IGSF21: variants seen among roughly 807,000 people sequenced by gnomAD.
IGSF21 encodes the protein immunoglobulin superfamily member 21.
In IGSF21, 28 loss-of-function variants were observed where a neutral mutation model predicts 46.8. That is an observed-to-expected ratio of 0.60 (90% CI 0.44 to 0.82). IGSF21 has a LOEUF of 0.82. Ranked by LOEUF, IGSF21 falls within the 40% of genes least tolerant of loss-of-function variation. IGSF21 has a pLI of 0.00. For missense variants in IGSF21, 624 were observed against 665.5 expected, an observed-to-expected ratio of 0.94 and a Z score of 0.69; for synonymous variants, 284 against 273.6, an observed-to-expected ratio of 1.04 and a Z score of -0.38.
chr1:18,365,693 G>T lies in IGSF21; in HGVS notation c.1011G>T (p.Thr337=), dbSNP rs146952781. The change falls in exon 6 of 10, where the codon ACG becomes ACT. Residue 337 remains threonine (T), a synonymous_variant. Coordinates refer to ENST00000251296, the MANE Select transcript of IGSF21 (RefSeq NM_032880.5). This position sits in a 1 kb window ranked among gnomAD's most constrained non-coding sequence, Gnocchi z 4.8. ...ALSMPMQAEV[T]LVAPKGPKIV... ...CGATGCCCATGCAGGCAGAGGTCAC[G>T]CTGGGTAAGACTTGGTGGGGGCCCT... 4 of 1,610,226 alleles carry T rather than the reference G, an allele frequency of 2.5e-6. 1 individual carries two copies. The South Asian group carries it at 3.3e-5, about 13-fold the overall frequency.
chr1:18,278,531 T>TGTTTG (rs1553160094), intron 2 of IGSF21, among the ~76,000 whole-genome samples: 1 of 140,786 alleles, frequency 7.1e-6, no homozygotes, highest in Non-Finnish European at 1.5e-5. Context: ...GTAAGGTTTT[T>TGTTTG]TTTGTTTGTT....
At chr1:18,120,339 A>C (rs1038137535) in intron 1 of IGSF21, among the ~76,000 whole-genome samples, 1 of 152,192 alleles carries the variant, frequency 6.6e-6, no homozygotes, top group African/African-American at 2.4e-5. Flanking sequence ...GCCTGGCAGG[A>C]AGCTGGAGGG....
intron 2 of IGSF21, among the ~76,000 whole-genome samples, chr1:18,287,975 T>C (rs927075641): frequency 6.6e-6 from 1 of 152,130 alleles, no homozygotes; most frequent in Non-Finnish European, 1.5e-5. Context: ...GAAAAACAGA[T>C]GGTCCAGAAA....
intron 1 of IGSF21, among the ~76,000 whole-genome samples, chr1:18,159,246 G>C (rs573727104): frequency 6.6e-6 from 1 of 152,318 alleles, no homozygotes; most frequent in African/African-American, 2.4e-5. Flanking sequence ...TGCTGAAGAT[G>C]CTCCAAGTCA....
intron 2 of IGSF21, among the ~76,000 whole-genome samples, chr1:18,243,823 G>A (rs546726746): frequency 7.2e-5 from 11 of 152,240 alleles, no homozygotes; most frequent in African/African-American, 2.2e-4. Flanking sequence ...CCTGAGGAGC[G>A]AGCATATGGA....
At position 18,302,872 on chromosome 1, in the gene IGSF21, AGTTCTCTACCTACCTTC is replaced by A. The variant is rs2085375403; in HGVS notation, c.305+10886_305+10902del. Among the ~76,000 whole-genome samples, 5 of 152,164 alleles carry A rather than the reference AGTTCTCTACCTACCTTC, an allele frequency of 3.3e-5. No individual in the cohort carries two copies. The South Asian group carries it at 8.3e-4, about 25-fold the overall frequency. ...CCTGTTGCATCCACAGCTGCCACTG[AGTTCTCTACCTACCTTC>A]CCCCACTCTCTATTTGACCTTGGAC... On this transcript the variant is annotated intron_variant, in intron 3 of 9. Transcript: ENST00000251296.
chr1:18,261,291 G>C (rs2084944685), intron 2 of IGSF21, among the ~76,000 whole-genome samples: 1 of 152,190 alleles, frequency 6.6e-6, no homozygotes, highest in Admixed American at 6.5e-5. Context: ...AGACAGAGAA[G>C]AAAAGCCAGT....
At chr1:18,231,438 T>C (rs2084624679) in intron 2 of IGSF21, among the ~76,000 whole-genome samples, 1 of 152,134 alleles carries the variant, frequency 6.6e-6, no homozygotes, top group Non-Finnish European at 1.5e-5. Context: ...AGCCTGACTC[T>C]TGGACACTTT....
intron 1 of IGSF21, among the ~76,000 whole-genome samples, chr1:18,150,270 G>T (rs549438664): frequency 6.6e-6 from 1 of 152,278 alleles, no homozygotes; most frequent in Non-Finnish European, 1.5e-5. Context: ...GAACCAGGTT[G>T]AGCTGGGGTG....
At chr1:18,122,623 C>CTT (rs1025219600) in intron 1 of IGSF21, among the ~76,000 whole-genome samples, 16 of 133,048 alleles carry the variant, frequency 1.2e-4, no homozygotes, top group South Asian at 2.5e-4. Context: ...GATTTTTTTT[C>CTT]TTTTTTTTTT....
chr1:18,281,776 C>T (rs1396642965), intron 2 of IGSF21, among the ~76,000 whole-genome samples: 2 of 152,060 alleles, frequency 1.3e-5, no homozygotes, highest in Non-Finnish European at 2.9e-5. Context: ...GCATACTTGT[C>T]GGGAGGCAGG....
At chr1:18,170,956 GA>G (rs1239894858) in intron 1 of IGSF21, among the ~76,000 whole-genome samples, 1 of 152,186 alleles carries the variant, frequency 6.6e-6, no homozygotes, top group Non-Finnish European at 1.5e-5. Context: ...CAGGGAATCA[GA>G]GAGGAGGACA....
intron 1 of IGSF21, among the ~76,000 whole-genome samples, chr1:18,223,845 C>T (rs1166599614): frequency 6.6e-6 from 1 of 152,154 alleles, no homozygotes; most frequent in Non-Finnish European, 1.5e-5. Context: ...TAGAGCTAAA[C>T]CTGTCTCTGC....
intron 4 of IGSF21, among the ~76,000 whole-genome samples, chr1:18,350,851 C>A (rs749060894): frequency 1.2e-4 from 18 of 152,160 alleles, no homozygotes; most frequent in Non-Finnish European, 2.9e-5. Context: ...GGAAATCTCC[C>A]GCTTGAAGGA....
chr1:18,308,831 G>A (rs1355221808), intron 3 of IGSF21, among the ~76,000 whole-genome samples: 2 of 152,134 alleles, frequency 1.3e-5, no homozygotes, highest in African/African-American at 4.8e-5. Flanking sequence ...CCATGCCCAG[G>A]ACCTATGCAG....
At chr1:18,238,054 T>G (rs1026961024) in intron 2 of IGSF21, among the ~76,000 whole-genome samples, 1 of 152,242 alleles carries the variant, frequency 6.6e-6, no homozygotes, top group African/African-American at 2.4e-5. Context: ...GTGTGTGTTT[T>G]TGTGGGAGAA....
intron 1 of IGSF21, among the ~76,000 whole-genome samples, chr1:18,160,649 C>T (rs1020680861): frequency 6.6e-5 from 10 of 152,312 alleles, no homozygotes; most frequent in South Asian, 4.1e-4. Flanking sequence ...CGTGCTCATT[C>T]GGTGTGACGA....
intron 1 of IGSF21, among the ~76,000 whole-genome samples, chr1:18,205,409 T>G (rs2084308379): frequency 6.6e-6 from 1 of 152,136 alleles, no homozygotes; most frequent in Admixed American, 6.5e-5. Context: ...GAAGCTACCT[T>G]TCCAGCGAGA....
intron 3 of IGSF21, among the ~76,000 whole-genome samples, chr1:18,318,231 C>G (rs537506517): frequency 2.4e-4 from 37 of 152,266 alleles, no homozygotes; most frequent in African/African-American, 8.4e-4. Flanking sequence ...CCCTGGCCCC[C>G]CGTCCCAAAT....
Sources: allele counts gnomAD v4.1 joint callset (sites outside exome capture counted in the v4.1 genomes callset), GRCh38; gene constraint gnomAD v4.1.1; non-coding constraint Gnocchi (gnomAD v3.1); transcripts MANE v1.5; gene names NCBI Gene and HGNC (gene_info 2026-07-23, HGNC 2026-07-21).